Variants in MYH9 observed in about 807,000 individuals in gnomAD.
MYH9 encodes the protein myosin-9.
Under a neutral mutation model 241.9 loss-of-function variants are expected in MYH9, and 29 were observed. That is an observed-to-expected ratio of 0.12 (90% CI 0.09 to 0.16). The LOEUF is 0.16. MYH9 is among the 10% of genes least tolerant of loss of function. The pLI is 1.00. For synonymous variants in MYH9, 1,047 were observed against 1,062.6 expected (o/e 0.99, Z 0.29); for missense variants, 1,803 against 2,595.5 (o/e 0.69, Z 6.63).
At chr22:36,356,506 A>C (rs1222485321) in intron 1 of MYH9, among the ~76,000 whole-genome samples, 2 of 142,836 alleles carry the variant, frequency 1.4e-5, no homozygotes, top group African/African-American at 2.6e-5. Context: ...GCTTGAACCC[A>C]GGAGGCAGAG....
intron 24 of MYH9, among the ~76,000 whole-genome samples, chr22:36,297,604 C>A (rs942136936): frequency 6.6e-6 from 1 of 152,206 alleles, no homozygotes; most frequent in Non-Finnish European, 1.5e-5. Context: ...GCCACCCCAT[C>A]ACGTGATCTT....
Position 36,320,055 on chromosome 22 carries a change from T to C in MYH9, c.1012+165A>G, listed in dbSNP as rs1206760916. ...GTGGTACCACCAGGAACAAATAACC[T>C]TGAACCTCAAATCTGAGGAATCATT... is the stretch of plus-strand genomic sequence containing the variant. On this transcript the variant is annotated intron_variant, in intron 9 of 40. Transcript: ENST00000216181. This position sits in a 1 kb window ranked among gnomAD's most constrained non-coding sequence, Gnocchi z 4.8. Among the ~76,000 whole-genome samples the C allele has an allele frequency of 6.6e-6, 1 of 152,170 alleles. No homozygotes were observed. The highest frequency in any genetic ancestry group is 1.5e-5 in the Non-Finnish European group (1 of 68,036).
rs749399694 is a variant in MYH9 at position 36,293,850 on chromosome 22, T to C, written c.3851A>G (p.Asn1284Ser). ...KVTKLQVELD[N>S]VTGLLSQSDS... Reference sequence around the variant, plus strand: ...GGACTGGCTGAGAAGCCCGGTCACGTTGTCCAGCTCCACCTGCACCGGGCG... The same window carrying C: ...GGACTGGCTGAGAAGCCCGGTCACGCTGTCCAGCTCCACCTGCACCGGGCG... The change falls in exon 29 of 41, where the codon AAC becomes AGC. Residue 1284 changes from asparagine to serine, a missense_variant. Around this residue, in one of 11 missense-constraint regions of MYH9, gnomAD observed 876 missense variants for 1,077.8 expected, o/e 0.81. Transcript: ENST00000216181. The surrounding 1 kb of genome is among the most constrained non-coding windows in gnomAD (Gnocchi z 5.1). The C allele has an allele frequency of 1.9e-6, 3 of 1,613,540 alleles. No individual in the cohort carries two copies. Among genetic ancestry groups the C allele is most frequent in the Non-Finnish European group, 2.5e-6 (3 of 1,179,880 alleles).
chr22:36,300,088 G>T lies in MYH9; in HGVS notation c.2976+39C>A, dbSNP rs374160051. On this transcript the variant is annotated intron_variant, in intron 23 of 40. Transcript: ENST00000216181. The surrounding 1 kb of genome is among the most constrained non-coding windows in gnomAD (Gnocchi z 5.0). Reference sequence around the variant, plus strand: ...GTGACCACACTCTCCCATCCACGGCGCCCCTGGAGCAGCGGCAGGCGACAG... The same window carrying T: ...GTGACCACACTCTCCCATCCACGGCTCCCCTGGAGCAGCGGCAGGCGACAG... The T allele has an allele frequency of 6.9e-6, 11 of 1,605,186 alleles. No homozygotes were observed. The highest frequency in any genetic ancestry group is 6.7e-5 in the East Asian group (3 of 44,870).
At chr22:36,312,266 G>A (rs377639599) in intron 13 of MYH9, 44 bp from the exon 14 acceptor site, 5 of 1,606,666 alleles carry the variant, frequency 3.1e-6, no homozygotes, top group Non-Finnish European at 8.5e-7. Context: ...CACCCTGGGA[G>A]GGGCACCCCA....
At chr22:36,346,151 CAAAA>C (rs56232061) in intron 2 of MYH9, among the ~76,000 whole-genome samples, 8 of 121,294 alleles carry the variant, frequency 6.6e-5, no homozygotes, top group Admixed American at 8.3e-5. Flanking sequence ...GACTCCGTCT[CAAAA>C]AAAAAAAAAA....
chr22:36,328,666 C>G (rs1313267582), intron 3 of MYH9, among the ~76,000 whole-genome samples: 1 of 152,256 alleles, frequency 6.6e-6, no homozygotes, highest in Non-Finnish European at 1.5e-5. Context: ...GCTGTCTATA[C>G]CGACTTCCCC....
intron 1 of MYH9, among the ~76,000 whole-genome samples, chr22:36,355,128 C>T (rs1383214009): frequency 6.6e-6 from 1 of 151,990 alleles, no homozygotes; most frequent in African/African-American, 2.4e-5. Flanking sequence ...TGAGGCCATC[C>T]CCCAGCGCTT....
At chr22:36,292,974 G>C (rs922715271) in intron 30 of MYH9, among the ~76,000 whole-genome samples, 1 of 152,198 alleles carries the variant, frequency 6.6e-6, no homozygotes, top group Non-Finnish European at 1.5e-5. Flanking sequence ...CAAGGAGCTC[G>C]GCCACAACCC....
In MYH9 at chr22:36,288,591, G is replaced by A; in HGVS notation, c.4770+136C>T. 7.6e-7 allele frequency: 1 copy of A among 1,320,720 alleles called. No homozygotes were observed. The highest frequency in any genetic ancestry group is 1.1e-6 in the Non-Finnish European group (1 of 929,974). The allele number at this position is 1,320,720 out of a possible 1,614,324, so 81.8% of individuals were successfully genotyped here. ...GAGTCACTGAACCCCGAGACAGGAG[G>A]CTAGAAAGAAGGAATATGGGAGGGG... On this transcript the variant is annotated intron_variant, in intron 33 of 40. Coordinates refer to ENST00000216181, the MANE Select transcript of MYH9 (RefSeq NM_002473.6). This position sits in a 1 kb window ranked among gnomAD's most constrained non-coding sequence, Gnocchi z 4.8.
chr22:36,293,789 G>A lies in MYH9; in HGVS notation c.3912C>T (p.Ser1304=), dbSNP rs1419369426. Residue 1304 remains serine (S), a synonymous_variant, in exon 29 of 41, where the codon TCC becomes TCT. Transcript: ENST00000216181. The surrounding 1 kb of genome is among the most constrained non-coding windows in gnomAD (Gnocchi z 5.1). ...TGTCCTGCAGCTGGGACTCCAGCGC[G>A]GAGAAGTCCTTGGTGAGCTTGCTGG... is the stretch of plus-strand genomic sequence containing the variant. ...SKSSKLTKDF[S]ALESQLQDTQ... 37 of 1,613,860 alleles carry A rather than the reference G, an allele frequency of 2.3e-5. No individual in the cohort carries two copies. The highest frequency in any genetic ancestry group is 3.3e-5 in the Admixed American group (2 of 60,010).
intron 2 of MYH9, among the ~76,000 whole-genome samples, chr22:36,348,583 A>G (rs1403452828): frequency 6.6e-6 from 1 of 152,194 alleles, no homozygotes; most frequent in African/African-American, 2.4e-5. Context: ...CTGAACCTTC[A>G]TATTTCCACC....
chr22:36,334,548 C>A (rs933866043), intron 3 of MYH9, among the ~76,000 whole-genome samples: 2 of 152,200 alleles, frequency 1.3e-5, no homozygotes, highest in African/African-American at 4.8e-5. Flanking sequence ...GCTGCAGGGG[C>A]GGCTGTGACA....
chr22:36,299,746 C>T (rs995359551), intron 23 of MYH9, among the ~76,000 whole-genome samples: 5 of 152,312 alleles, frequency 3.3e-5, no homozygotes, highest in East Asian at 1.9e-4. Flanking sequence ...GAATAGCTGC[C>T]GCCCAGGGAC....
intron 5 of MYH9, among the ~76,000 whole-genome samples, chr22:36,324,011 C>T (rs908513483): frequency 7.9e-5 from 12 of 152,248 alleles, no homozygotes; most frequent in African/African-American, 2.9e-4. Context: ...ATGGCTCCCC[C>T]ACCCACTACG....
intron 1 of MYH9, among the ~76,000 whole-genome samples, chr22:36,386,168 C>T (rs537312306): frequency 1.3e-5 from 2 of 152,298 alleles, no homozygotes; most frequent in Admixed American, 1.3e-4. Context: ...TCCGGGGTCC[C>T]TGTCATCTCT....
At position 36,282,722 on chromosome 22, in the gene MYH9, G is replaced by A. The variant is rs750263908; in HGVS notation, c.5829C>T (p.Ser1943=). Reference sequence around the variant, plus strand: ...CCGCTTTGCCATCTACCTCTTCGTCGGAGCCATCCCCGGCGCCTTTCCGGG... The same window carrying A: ...CCGCTTTGCCATCTACCTCTTCGTCAGAGCCATCCCCGGCGCCTTTCCGGG... ...RMARKGAGDG[S]DEEVDGKADG... The change falls in exon 41 of 41, where the codon TCC becomes TCT. Residue 1943 remains serine, a synonymous_variant. Transcript: ENST00000216181. 29 of 1,613,932 alleles carry A rather than the reference G, an allele frequency of 1.8e-5. No homozygotes were observed. Among genetic ancestry groups the A allele is most frequent in the Middle Eastern group, 1.6e-4 (1 of 6,062 alleles).
intron 1 of MYH9, among the ~76,000 whole-genome samples, chr22:36,382,195 C>T (rs529665120): frequency 6.6e-6 from 1 of 152,266 alleles, no homozygotes; most frequent in African/African-American, 2.4e-5. Flanking sequence ...AGAGTGCTGG[C>T]CAGGTGCGGT....
chr22:36,307,344 G>A (rs2016986124), intron 15 of MYH9, among the ~76,000 whole-genome samples: 3 of 152,298 alleles, frequency 2.0e-5, no homozygotes, highest in Admixed American at 6.5e-5. Context: ...TAAACCAATT[G>A]CATCCTCCAA....
Sources: allele counts gnomAD v4.1 joint callset (sites outside exome capture counted in the v4.1 genomes callset), GRCh38; gene constraint gnomAD v4.1.1; regional missense constraint gnomAD v4.1.1; non-coding constraint Gnocchi (gnomAD v3.1); transcripts MANE v1.5; gene names NCBI Gene and HGNC (gene_info 2026-07-23, HGNC 2026-07-21).